SLFN12L: variants seen among roughly 807,000 people sequenced by gnomAD.
SLFN12L encodes the protein schlafen family member 12 like.
In SLFN12L, 34 loss-of-function variants were observed where a neutral mutation model predicts 34.8. The observed-to-expected ratio is 0.98, with a 90% CI of 0.74 to 1.30. SLFN12L has a LOEUF of 1.30. Among genes scored for constraint, SLFN12L ranks in the 50% most tolerant of loss-of-function variants. The pLI is 0.00. For missense variants in SLFN12L, 703 were observed against 696.2 expected, an observed-to-expected ratio of 1.01 and a Z score of -0.11; for synonymous variants, 259 against 247.5, an observed-to-expected ratio of 1.05 and a Z score of -0.44.
At chr17:35,529,692 C>CT (rs1395355340) in intron 1 of SLFN12L, among the ~76,000 whole-genome samples, 1 of 137,816 alleles carries the variant, frequency 7.3e-6, no homozygotes, top group East Asian at 2.4e-4. Flanking sequence ...TGGGGCATAT[C>CT]TGGGGGTGGG....
rs908154925 is a variant in SLFN12L at position 35,467,583 on chromosome 17, C to T, written c.*7340G>A. Among the ~76,000 whole-genome samples, 1 of 152,278 alleles carries T rather than the reference C, an allele frequency of 6.6e-6. No homozygotes were observed. On this transcript the variant is annotated 3_prime_UTR_variant, in exon 5 of 5. Transcript: ENST00000628453. Reference sequence around the variant, plus strand: ...TTAACAGAGAGACATAAGAGTCTCCCCAAACAACTTCTTTTAAAGTTCCAG... The same window carrying T: ...TTAACAGAGAGACATAAGAGTCTCCTCAAACAACTTCTTTTAAAGTTCCAG...
chr17:35,478,072 T>C lies in SLFN12L; in HGVS notation c.1276+3A>G, dbSNP rs1481429433. The C allele has an allele frequency of 6.6e-7, 1 of 1,518,008 alleles. No individual in the cohort carries two copies. The highest frequency in any genetic ancestry group is 8.9e-7 in the Non-Finnish European group (1 of 1,118,744). The allele number at this position is 1,518,008 out of a possible 1,614,324, so 94.0% of individuals were successfully genotyped here. On this transcript the variant is annotated splice_donor_region_variant and intron_variant, in intron 4 of 4. Transcript: ENST00000628453. ...AACTCCACGGAAGCCAGAATTAAATTACCTGGAAGGTGATATCTCAGTGGC... is the reference window on the plus strand; with the variant it reads ...AACTCCACGGAAGCCAGAATTAAATCACCTGGAAGGTGATATCTCAGTGGC...
intron 2 of SLFN12L, among the ~76,000 whole-genome samples, chr17:35,494,875 T>TATTA (rs1382209821): frequency 6.7e-6 from 1 of 148,996 alleles, no homozygotes; most frequent in Non-Finnish European, 1.5e-5. Context: ...GCGTTAATTT[T>TATTA]ATTAATTTAT....
At chr17:35,511,570 T>TACAC (rs1404940993) in intron 2 of SLFN12L, among the ~76,000 whole-genome samples, 2 of 101,620 alleles carry the variant, frequency 2.0e-5, no homozygotes, top group African/African-American at 7.8e-5. Flanking sequence ...ACCTCGTCTC[T>TACAC]ACACACACAC....
At position 35,522,730 on chromosome 17, in the gene SLFN12L, G is replaced by A; in HGVS notation, c.-366C>T. On this transcript the variant is annotated 5_prime_UTR_variant, in exon 2 of 5. Transcript: ENST00000628453. The stretch of plus-strand genomic sequence containing the variant: ...CACCAGCTTCTGCTTCAAAGTAAGG[G>A]CAGTGCAAGTGCAGTAGTCCTGGCC... 6.2e-7 allele frequency: 1 copy of A among 1,613,922 alleles called. No individual in the cohort carries two copies. The highest frequency in any genetic ancestry group is 8.5e-7 in the Non-Finnish European group (1 of 1,179,842).
At chr17:35,529,911 A>G (rs1038717318) in intron 1 of SLFN12L, among the ~76,000 whole-genome samples, 6 of 152,008 alleles carry the variant, frequency 3.9e-5, no homozygotes, top group African/African-American at 1.2e-4. Flanking sequence ...TAATAAAAAT[A>G]ATAATAGTAA....
rs1362647633 is a variant in SLFN12L at position 35,487,845 on chromosome 17, CACTCG to C, written c.87-7655_87-7651del. 2.4e-6 allele frequency: 3 copies of C among 1,237,958 alleles called. No homozygotes were observed. In the Admixed American group the frequency reaches 5.9e-5, roughly 24 times the overall value. 76.7% of individuals were successfully genotyped at this position (1,237,958 alleles called of 1,614,324 possible). A position where few individuals can be genotyped will look rare whatever the true frequency, so the allele number is the denominator to read the frequency against. On this transcript the variant is annotated intron_variant, in intron 2 of 4. Coordinates refer to ENST00000628453, the MANE Select transcript of SLFN12L (RefSeq NM_001363830.2). ...CTCGCTCAGCTGCATTTCTATCGGG[CACTCG>C]ACTCCCCGGAAGTGGTGGCACCGCA...
At chr17:35,516,994 A>G (rs1019925750) in intron 2 of SLFN12L, among the ~76,000 whole-genome samples, 1 of 152,164 alleles carries the variant, frequency 6.6e-6, no homozygotes, top group Non-Finnish European at 1.5e-5. Context: ...TGTCATCTCA[A>G]TTTGCACCAG....
rs187931118 is a variant in SLFN12L, at chr17:35,522,523, C to G, written c.-159G>C. On this transcript the variant is annotated 5_prime_UTR_variant, in exon 2 of 5. Transcript: ENST00000628453. ...AGGTCACTCAAGAGAGACCTGAAGC[C>G]GAGCAAGACAATCACGAGGGACTGC... is the stretch of plus-strand genomic sequence containing the variant. 1 of 1,612,492 alleles carries G rather than the reference C, an allele frequency of 6.2e-7. No homozygotes were observed. Among genetic ancestry groups the G allele is most frequent in the Non-Finnish European group, 8.5e-7 (1 of 1,179,146 alleles).
chr17:35,519,579 C>T (rs1002747092), intron 2 of SLFN12L, among the ~76,000 whole-genome samples: 1 of 152,190 alleles, frequency 6.6e-6, no homozygotes, highest in African/African-American at 2.4e-5. Flanking sequence ...TCTCTCCCCA[C>T]ATCAAGGAAG....
Position 35,493,486 on chromosome 17 carries a change from A to G in SLFN12L, c.87-13291T>C, listed in dbSNP as rs140028232. 6.0e-3 allele frequency among the ~76,000 whole-genome samples: 913 copies of G among 152,346 alleles called. 9 individuals are homozygous for G. The highest frequency in any genetic ancestry group is 0.02 in the South Asian group (98 of 4,830). On this transcript the variant is annotated intron_variant, in intron 2 of 4. Coordinates refer to ENST00000628453, the MANE Select transcript of SLFN12L (RefSeq NM_001363830.2). ...GTTGTGTGTTTTGTTGAAATTGTTC[A>G]TAATGTAATGCCGTATTTATTGTTT...
Position 35,479,730 on chromosome 17 carries a change from T to A in SLFN12L, c.552A>T (p.Ala184=), listed in dbSNP as rs1397876287. Residue 184 remains alanine, a synonymous_variant, in exon 3 of 5, where the codon GCA becomes GCT. Transcript: ENST00000628453. ...TTTCCATGTCTTTGAGGAACTCCAGTGCAGCAGAAGCATTCATGACTTTTG... is the reference window on the plus strand; with the variant it reads ...TTTCCATGTCTTTGAGGAACTCCAGAGCAGCAGAAGCATTCATGACTTTTG... ...TSAKVMNASA[A]LEFLKDMEKT... 4.3e-6 allele frequency: 7 copies of A among 1,614,036 alleles called. No homozygotes were observed. Among genetic ancestry groups the A allele is most frequent in the Non-Finnish European group, 5.1e-6 (6 of 1,180,026 alleles).
chr17:35,511,470 C>T (rs573787015), intron 2 of SLFN12L, among the ~76,000 whole-genome samples: 4 of 152,112 alleles, frequency 2.6e-5, no homozygotes, highest in Non-Finnish European at 5.9e-5. Flanking sequence ...TTCTAGTTGT[C>T]TGTTAATAGA....
intron 1 of SLFN12L, among the ~76,000 whole-genome samples, chr17:35,537,288 C>T (rs528729090): frequency 6.6e-6 from 1 of 152,342 alleles, no homozygotes; most frequent in East Asian, 1.9e-4. Context: ...ATCTCTTTCT[C>T]TCAGCCCAGC....
intron 1 of SLFN12L, among the ~76,000 whole-genome samples, chr17:35,527,231 C>A (rs746101369): frequency 6.6e-6 from 1 of 152,034 alleles, no homozygotes; most frequent in African/African-American, 2.4e-5. Flanking sequence ...CCCTACCAAC[C>A]AGAAAAACTC....
rs1339786381 is a variant in SLFN12L at position 35,465,253 on chromosome 17, ATACTC to A, written c.*9665_*9669del. ...TTGAGAAACCTCGTGGACTTAATAA[ATACTC>A]AAATTATACTTATGCCTGAGGTTCC... On this transcript the variant is annotated 3_prime_UTR_variant, in exon 5 of 5. Transcript: ENST00000628453. Among the ~76,000 whole-genome samples, 1 of 152,194 alleles carries A rather than the reference ATACTC, an allele frequency of 6.6e-6. No individual in the cohort carries two copies. The highest frequency in any genetic ancestry group is 2.4e-5 in the African/African-American group (1 of 41,446).
At position 35,474,835 on chromosome 17, in the gene SLFN12L, G is replaced by A; in HGVS notation, c.*88C>T. On this transcript the variant is annotated 3_prime_UTR_variant, in exon 5 of 5. Transcript: ENST00000628453. ...TAATCCCAGCTACTCGGGAGGCTGAGGCAGGGAATTGCTTGAACCCAGGAG... is the reference window on the plus strand; with the variant it reads ...TAATCCCAGCTACTCGGGAGGCTGAAGCAGGGAATTGCTTGAACCCAGGAG... The A allele has an allele frequency of 1.5e-6, 2 of 1,323,194 alleles. No homozygotes were observed. The highest frequency in any genetic ancestry group is 3.1e-5 in the South Asian group (2 of 64,096). The allele number at this position is 1,323,194 out of a possible 1,614,324, so 82.0% of individuals were successfully genotyped here. A position where few individuals can be genotyped will look rare whatever the true frequency, so the allele number is the denominator to read the frequency against.
At chr17:35,522,168 T>A in intron 2 of SLFN12L, 111 bp downstream of exon 2, 5 of 1,438,542 alleles carry the variant, frequency 3.5e-6, no homozygotes, top group Non-Finnish European at 4.7e-6. Flanking sequence ...TAAACACAGT[T>A]TGTTGTCACA....
intron 2 of SLFN12L, chr17:35,488,002 A>C: frequency 3.0e-6 from 2 of 656,072 alleles, no homozygotes; most frequent in South Asian, 3.1e-5. Context: ...AGCTTAGGAG[A>C]TAGAGACCAT....
Sources: allele counts gnomAD v4.1 joint callset (sites outside exome capture counted in the v4.1 genomes callset), GRCh38; gene constraint gnomAD v4.1.1; transcripts MANE v1.5; gene names NCBI Gene and HGNC (gene_info 2026-07-23, HGNC 2026-07-21).